The following TPTE variants were observed in gnomAD, a reference collection of about 807,000 sequenced individuals.
TPTE encodes putative tyrosine-protein phosphatase TPTE.
A neutral mutation model predicts 84.1 loss-of-function variants in TPTE; 59 were observed. The ratio of observed to expected loss-of-function variants is 0.70; its 90% confidence interval spans 0.57 to 0.87. TPTE has a LOEUF of 0.87. TPTE is among the 40% of genes least tolerant of loss of function. The pLI is 0.00. For synonymous variants in TPTE, 130 were observed against 223.5 expected (o/e 0.58, Z 3.73); for missense variants, 382 against 659.6 (o/e 0.58, Z 4.61).
chr21:10,527,154 C>G (rs1231003246), intron 2 of TPTE, among the ~76,000 whole-genome samples: 2 of 135,820 alleles, frequency 1.5e-5, no homozygotes, highest in Admixed American at 7.0e-5. Flanking sequence ...CTCTCTCTCT[C>G]TCTCACACAC....
chr21:10,574,492 G>C (rs1218550293), intron 14 of TPTE, among the ~76,000 whole-genome samples: 1 of 152,310 alleles, frequency 6.6e-6, no homozygotes, highest in Non-Finnish European at 1.5e-5. Flanking sequence ...GAAATGTTTA[G>C]AGTGATGCAA....
intron 3 of TPTE, among the ~76,000 whole-genome samples, chr21:10,530,558 A>C (rs1410918195): frequency 6.6e-6 from 1 of 152,308 alleles, no homozygotes; most frequent in South Asian, 2.1e-4. Context: ...CACAGCATGC[A>C]TCCCCTAGTG....
At chr21:10,529,392 C>CT (rs1361665885) in intron 3 of TPTE, among the ~76,000 whole-genome samples, 1 of 152,310 alleles carries the variant, frequency 6.6e-6, no homozygotes, top group African/African-American at 2.4e-5. Flanking sequence ...AATAGAATGT[C>CT]TAACAGCTAC....
intron 17 of TPTE, among the ~76,000 whole-genome samples, chr21:10,586,144 G>T: frequency 6.6e-6 from 1 of 152,298 alleles, no homozygotes; most frequent in South Asian, 2.1e-4. Context: ...CTGACTTCTT[G>T]ACATGGATAA....
intron 1 of TPTE, among the ~76,000 whole-genome samples, chr21:10,521,895 C>T (rs1301316499): frequency 6.6e-6 from 1 of 152,278 alleles, no homozygotes; most frequent in African/African-American, 2.4e-5. Flanking sequence ...CCGAGAAAAA[C>T]TCCGCGACGC....
intron 6 of TPTE, among the ~76,000 whole-genome samples, chr21:10,542,909 G>T (rs1473350372): frequency 2.6e-5 from 4 of 152,292 alleles, no homozygotes; most frequent in Non-Finnish European, 4.4e-5. Flanking sequence ...GTTTTTTTAT[G>T]GGACTCAGAT....
At chr21:10,597,740 A>G (rs2075615358) in intron 20 of TPTE, among the ~76,000 whole-genome samples, 1 of 152,310 alleles carries the variant, frequency 6.6e-6, no homozygotes, top group Non-Finnish European at 1.5e-5. Context: ...TTTTTTCTGG[A>G]AAGATAAAAG....
chr21:10,567,344 G>C (rs1444009598), intron 10 of TPTE, among the ~76,000 whole-genome samples: 1 of 152,286 alleles, frequency 6.6e-6, no homozygotes, highest in East Asian at 1.9e-4. Context: ...TTTGTAACAT[G>C]AATGATAAAT....
intron 2 of TPTE, among the ~76,000 whole-genome samples, chr21:10,526,604 TGTG>T (rs1419760719): frequency 1.3e-5 from 2 of 152,312 alleles, no homozygotes; most frequent in African/African-American, 4.8e-5. Context: ...GTTAGAAAAT[TGTG>T]GTGAAGAGCA....
chr21:10,528,892 A>G (rs1217879011), intron 3 of TPTE, among the ~76,000 whole-genome samples: 4 of 152,308 alleles, frequency 2.6e-5, no homozygotes, highest in African/African-American at 9.6e-5. Context: ...TGTGTTTGTC[A>G]AAAGTGTTTT....
intron 3 of TPTE, among the ~76,000 whole-genome samples, chr21:10,529,349 A>G (rs1415525014): frequency 6.6e-6 from 1 of 152,312 alleles, no homozygotes; most frequent in Non-Finnish European, 1.5e-5. Flanking sequence ...AAGATGGAAT[A>G]TCCAAACATT....
intron 11 of TPTE, among the ~76,000 whole-genome samples, chr21:10,568,814 CTTA>C (rs2074979888): frequency 6.6e-6 from 1 of 152,310 alleles, no homozygotes; most frequent in South Asian, 2.1e-4. Flanking sequence ...CCAGGTGGCT[CTTA>C]TTGATGTGTG....
At chr21:10,591,112 C>A (rs1237104496) in intron 18 of TPTE, among the ~76,000 whole-genome samples, 2 of 152,278 alleles carry the variant, frequency 1.3e-5, no homozygotes, top group African/African-American at 4.8e-5. Context: ...TTTCACAACT[C>A]AAAACAAAGC....
In TPTE at chr21:10,590,471, G is replaced by A. The variant is rs752996568; in HGVS notation, c.1037G>A (p.Gly346Glu). The A allele has an allele frequency of 3.1e-6, 5 of 1,614,058 alleles. No individual in the cohort carries two copies. The highest frequency in any genetic ancestry group is 2.2e-5 in the East Asian group (1 of 44,860). Residue 346 changes from glycine (G) to glutamate (E), a missense_variant, in exon 18 of 24, where the codon GGA (glycine) becomes GAA (glutamate). Transcript: ENST00000618007. Reference protein sequence around the residue: ...IHCKGGTDRTGTMVCAFLIAS... With the variant: ...IHCKGGTDRTETMVCAFLIAS... Reference sequence around the variant, plus strand: ...TTCTTTTCTTTTCTAGATAGAACAGGAACTATGGTTTGTGCCTTCCTTATT... The same window carrying A: ...TTCTTTTCTTTTCTAGATAGAACAGAAACTATGGTTTGTGCCTTCCTTATT...
At position 10,541,120 on chromosome 21, in the gene TPTE, C is replaced by T. The variant is rs149877959; in HGVS notation, c.20C>T (p.Pro7Leu). Residue 7 changes from proline to leucine, a missense_variant, in exon 5 of 24, where the codon CCG becomes CTG. This residue lies in a region of TPTE where 63 missense variants were observed against 49.5 expected (regional missense o/e 1.27). Transcript: ENST00000618007. ...CCATATTTGTCCTTTAGTCCTGATC[C>T]GACTGACCTGGCGGGAGTCATCATT... Reference protein sequence around the residue: MNESPDPTDLAGVIIEL... With the variant: MNESPDLTDLAGVIIEL... 1.7e-4 allele frequency: 272 copies of T among 1,612,962 alleles called. No individual in the cohort carries two copies. The African/African-American group carries it at 2.8e-3, about 16-fold the overall frequency.
intron 22 of TPTE, 76 bp from the exon 23 acceptor site, chr21:10,603,483 TAAA>T (rs1285153896): frequency 3.7e-6 from 5 of 1,369,054 alleles, no homozygotes; most frequent in African/African-American, 1.5e-5. Flanking sequence ...TAAAAAAGAA[TAAA>T]GAAAGGAACT....
intron 20 of TPTE, among the ~76,000 whole-genome samples, chr21:10,596,694 T>A (rs2075595471): frequency 6.6e-6 from 1 of 152,310 alleles, no homozygotes; most frequent in Non-Finnish European, 1.5e-5. Flanking sequence ...AGGCGATGCT[T>A]CAGAACCCCT....
At chr21:10,597,673 C>T (rs1247477073) in intron 20 of TPTE, among the ~76,000 whole-genome samples, 2 of 152,304 alleles carry the variant, frequency 1.3e-5, no homozygotes, top group Non-Finnish European at 2.9e-5. Flanking sequence ...CCTCGCCCTC[C>T]CAAAGTGCTA....
At chr21:10,585,760 CA>C (rs1278373881) in intron 17 of TPTE, among the ~76,000 whole-genome samples, 514 of 151,542 alleles carry the variant, frequency 3.4e-3, no homozygotes, top group African/African-American at 0.012. Context: ...AATTATGGCT[CA>C]ATTCCCTATA....
Sources: allele counts gnomAD v4.1 joint callset (sites outside exome capture counted in the v4.1 genomes callset), GRCh38; gene constraint gnomAD v4.1.1; regional missense constraint gnomAD v4.1.1; transcripts MANE v1.5; gene names NCBI Gene and HGNC (gene_info 2026-07-23, HGNC 2026-07-21).